The following DAB1 variants were observed in gnomAD, a reference collection of about 807,000 sequenced individuals.
DAB1 encodes the protein DAB adaptor protein 1.
In DAB1, 15 loss-of-function variants were observed where a neutral mutation model predicts 64.6. The observed-to-expected ratio is 0.23, with a 90% CI of 0.16 to 0.36. DAB1 has a LOEUF of 0.36. Ranked by LOEUF, DAB1 falls within the 10% of genes least tolerant of loss-of-function variation. The probability of loss-of-function intolerance (pLI) is 1.00; values close to 1 mark genes in which losing one functional copy is unlikely to be tolerated. For synonymous variants in DAB1, 235 were observed against 251.9 expected, an observed-to-expected ratio of 0.93 and a Z score of 0.64; for missense variants, 596 against 706.7, an observed-to-expected ratio of 0.84 and a Z score of 1.78.
At chr1:57,569,505 C>G (rs1645167011) in intron 7 of DAB1, among the ~76,000 whole-genome samples, 1 of 151,960 alleles carries the variant, frequency 6.6e-6, no homozygotes, top group East Asian at 1.9e-4. Flanking sequence ...GGACAAAAAA[C>G]CAAACACCGC....
intron 3 of DAB1, among the ~76,000 whole-genome samples, chr1:58,459,642 C>A (rs1180349413): frequency 6.6e-6 from 1 of 152,236 alleles, no homozygotes; most frequent in Admixed American, 6.5e-5. Context: ...TGTAATTTCA[C>A]AAATAACATA....
intron 1 of DAB1, among the ~76,000 whole-genome samples, chr1:58,544,393 A>G (rs1315182332): frequency 6.6e-6 from 1 of 152,246 alleles, no homozygotes; most frequent in Non-Finnish European, 1.5e-5. Context: ...TAGTAATGAG[A>G]AAATATGCTA....
chr1:58,120,686 C>G (rs1466399861), intron 5 of DAB1, among the ~76,000 whole-genome samples: 1 of 152,082 alleles, frequency 6.6e-6, no homozygotes, highest in Admixed American at 6.6e-5. Context: ...CCTAATAATT[C>G]CTAACTAAGA....
chr1:57,164,155 A>T (rs1661017922), intron 2 of DAB1, among the ~76,000 whole-genome samples: 1 of 152,140 alleles, frequency 6.6e-6, no homozygotes, highest in Non-Finnish European at 1.5e-5. Flanking sequence ...TGGTGGATAG[A>T]CACTCCATAA....
intron 5 of DAB1, among the ~76,000 whole-genome samples, chr1:57,895,481 G>T (rs1644379603): frequency 6.6e-6 from 1 of 152,142 alleles, no homozygotes; most frequent in Non-Finnish European, 1.5e-5. Flanking sequence ...TTAGTGTATT[G>T]TGTACTTTTC....
intron 5 of DAB1, among the ~76,000 whole-genome samples, chr1:57,990,309 GC>G (rs1200682055): frequency 2.0e-5 from 3 of 152,196 alleles, no homozygotes; most frequent in African/African-American, 7.2e-5. Context: ...TAATCACACA[GC>G]CAGTAAATGA....
At chr1:57,897,934 AAGG>A (rs1186623924) in intron 5 of DAB1, among the ~76,000 whole-genome samples, 1 of 152,208 alleles carries the variant, frequency 6.6e-6, no homozygotes, top group African/African-American at 2.4e-5. Context: ...GTTGAACTGA[AAGG>A]AGCAGATGTT....
At chr1:57,938,158 G>C (rs369891559) in intron 5 of DAB1, among the ~76,000 whole-genome samples, 28 of 152,270 alleles carry the variant, frequency 1.8e-4, no homozygotes, top group Admixed American at 7.2e-4. Flanking sequence ...GCCCTTGCTG[G>C]GTGTGTAACT....
chr1:58,534,677 G>A (rs1490837946), intron 1 of DAB1, among the ~76,000 whole-genome samples: 6 of 152,228 alleles, frequency 3.9e-5, no homozygotes, highest in Admixed American at 3.9e-4. Flanking sequence ...GCTCACGCCT[G>A]TAATCCCAGA....
intron 7 of DAB1, among the ~76,000 whole-genome samples, chr1:57,487,851 C>A (rs926198901): frequency 6.6e-6 from 1 of 152,174 alleles, no homozygotes; most frequent in Admixed American, 6.5e-5. Flanking sequence ...AACTTTTTAA[C>A]GCTGACTAAT....
intron 7 of DAB1, among the ~76,000 whole-genome samples, chr1:57,627,484 G>T (rs1167722338): frequency 6.6e-6 from 1 of 152,168 alleles, no homozygotes; most frequent in Admixed American, 6.5e-5. Flanking sequence ...ATGTGCTAAG[G>T]TCTTTGCTTA....
At chr1:57,341,960 C>A (rs1231547506) in intron 1 of DAB1, among the ~76,000 whole-genome samples, 1 of 152,206 alleles carries the variant, frequency 6.6e-6, no homozygotes, top group African/African-American at 2.4e-5. Context: ...TTGTCTGGTA[C>A]CTTATGCCAG....
chr1:57,562,830 C>T (rs1275175777), intron 7 of DAB1, among the ~76,000 whole-genome samples: 1 of 152,204 alleles, frequency 6.6e-6, no homozygotes, highest in Non-Finnish European at 1.5e-5. Context: ...CATTTGGACA[C>T]TTTGGGCTCC....
chr1:57,366,066 T>C (rs1024411370), intron 1 of DAB1, among the ~76,000 whole-genome samples: 7 of 152,250 alleles, frequency 4.6e-5, no homozygotes, highest in African/African-American at 1.4e-4. Flanking sequence ...ACAATTTTCC[T>C]GTCCAAATGT....
At chr1:58,049,372 C>T in intron 5 of DAB1, 1 of 567,942 alleles carries the variant, frequency 1.8e-6, no homozygotes, top group Non-Finnish European at 3.2e-6. Flanking sequence ...ACGAATGTAT[C>T]TTAACCTGAA....
At chr1:58,433,594 A>AGTGTGT (rs1473928894) in intron 3 of DAB1, among the ~76,000 whole-genome samples, 4 of 91,436 alleles carry the variant, frequency 4.4e-5, no homozygotes, top group African/African-American at 2.0e-4. Context: ...AGAGAGAGAG[A>AGTGTGT]GAGTGTGTGT....
chr1:57,031,046 A>C (rs1322692932), intron 9 of DAB1, among the ~76,000 whole-genome samples: 1 of 152,202 alleles, frequency 6.6e-6, no homozygotes, highest in Non-Finnish European at 1.5e-5. Flanking sequence ...TTTTCTCCTT[A>C]AGCACAACTT....
In DAB1 at chr1:57,984,264, A is replaced by G. The variant is rs141770810; in HGVS notation, n.388-100102T>C. 2.1e-3 allele frequency among the ~76,000 whole-genome samples: 298 copies of G among 142,484 alleles called. 3 individuals are homozygous for G. Among genetic ancestry groups the G allele is most frequent in the African/African-American group, 4.9e-3 (181 of 37,186 alleles). 93.5% of individuals were successfully genotyped at this position (142,484 alleles called of 152,430 possible). Reference sequence around the variant, plus strand: ...AGAAAGAAAGAAAGAAAGAAAGAAAAAAAATTAAACAGCCAAACCCATTGC... The same window carrying G: ...AGAAAGAAAGAAAGAAAGAAAGAAAGAAAATTAAACAGCCAAACCCATTGC... On this transcript the variant is annotated intron_variant and non_coding_transcript_variant, in intron 5 of 20. Transcript: ENST00000485760.
intron 6 of DAB1, among the ~76,000 whole-genome samples, chr1:57,661,181 C>G (rs975084253): frequency 1.3e-5 from 2 of 148,946 alleles, no homozygotes; most frequent in African/African-American, 5.2e-5. Context: ...CTAAAACTGC[C>G]CCCTGCTAGA....
Sources: gnomAD v4.1 joint callset for allele counts (sites outside exome capture counted in the v4.1 genomes callset) on GRCh38, gnomAD v4.1.1 for gene constraint, MANE v1.5 for transcripts, NCBI Gene and HGNC (gene_info 2026-07-23, HGNC 2026-07-21) for gene names.